The following SNX18 variants were observed in gnomAD, a reference collection of about 807,000 sequenced individuals.
SNX18 encodes the protein sorting nexin-18.
A neutral mutation model predicts 48.7 loss-of-function variants in SNX18; 35 were observed. That is an observed-to-expected ratio of 0.72 (90% CI 0.55 to 0.95). The LOEUF is 0.95. Ranked by LOEUF, SNX18 falls within the 40% of genes least tolerant of loss-of-function variation. The pLI, the probability that SNX18 is intolerant of heterozygous loss-of-function variation, is 0.00. For synonymous variants in SNX18, 492 were observed against 384.7 expected (o/e 1.28, Z -3.26); for missense variants, 824 against 871.0 (o/e 0.95, Z 0.68).
chr5:54,585,799 C>G, the SNX18 span, among the ~76,000 whole-genome samples: 2 of 151,762 alleles, frequency 1.3e-5, no homozygotes, highest in East Asian at 1.9e-4. Context: ...GTCAGGAGAT[C>G]GAGACCATCC....
intron 1 of SNX18, among the ~76,000 whole-genome samples, chr5:54,522,382 T>C (rs1321347567): frequency 6.6e-6 from 1 of 152,206 alleles, no homozygotes; most frequent in Non-Finnish European, 1.5e-5. Context: ...GATAGAACTT[T>C]TCCATCAGTG....
At chr5:54,643,094 G>A in the SNX18 span, among the ~76,000 whole-genome samples, 1 of 152,202 alleles carries the variant, frequency 6.6e-6, no homozygotes, top group South Asian at 2.1e-4. Context: ...ACTATAAAGG[G>A]AGGGGGGATA....
chr5:54,539,129 C>T (rs1217872758), intron 1 of SNX18, among the ~76,000 whole-genome samples: 1 of 152,064 alleles, frequency 6.6e-6, no homozygotes, highest in East Asian at 1.9e-4. Context: ...AATTCCTGGA[C>T]TCTCCCGCCT....
At chr5:54,601,329 A>G in the SNX18 span, among the ~76,000 whole-genome samples, 1 of 152,158 alleles carries the variant, frequency 6.6e-6, no homozygotes, top group East Asian at 1.9e-4. Flanking sequence ...CTAACCATTT[A>G]TCTATGCATT....
At chr5:54,534,734 G>T (rs1762320156) in intron 1 of SNX18, among the ~76,000 whole-genome samples, 1 of 150,634 alleles carries the variant, frequency 6.6e-6, no homozygotes, top group Admixed American at 6.6e-5. Flanking sequence ...CAGGAAAGTT[G>T]TTCTCCCTGC....
chr5:54,520,077 G>GA, intron 1 of SNX18: 1 of 435,354 alleles, frequency 2.3e-6, no homozygotes, highest in Non-Finnish European at 4.2e-6. Flanking sequence ...TCAATTCTCT[G>GA]AGTTTAAGAA....
chr5:54,622,556 G>A, the SNX18 span, among the ~76,000 whole-genome samples: 1 of 149,544 alleles, frequency 6.7e-6, no homozygotes, highest in African/African-American at 2.4e-5. Flanking sequence ...GTAGGGCTCT[G>A]CAAATGCTTT....
At chr5:54,604,461 T>C in the SNX18 span, among the ~76,000 whole-genome samples, 30 of 152,218 alleles carry the variant, frequency 2.0e-4, no homozygotes, top group Non-Finnish European at 3.2e-4. Flanking sequence ...TGGTACATGT[T>C]ACAACATAAA....
chr5:54,530,235 A>G (rs1041832407), intron 1 of SNX18, among the ~76,000 whole-genome samples: 8 of 152,166 alleles, frequency 5.3e-5, no homozygotes, highest in African/African-American at 1.9e-4. Context: ...AACTAATTAC[A>G]TATTCAGAGA....
At chr5:54,523,536 T>A (rs1762071431) in intron 1 of SNX18, among the ~76,000 whole-genome samples, 1 of 152,206 alleles carries the variant, frequency 6.6e-6, no homozygotes, top group Non-Finnish European at 1.5e-5. Context: ...AGAAAAGGTG[T>A]AAAATAGTGT....
chr5:54,628,366 G>A, the SNX18 span, among the ~76,000 whole-genome samples: 1 of 152,108 alleles, frequency 6.6e-6, no homozygotes, highest in African/African-American at 2.4e-5. Flanking sequence ...TCTCCCTCCT[G>A]GGTTTCCCTT....
At position 54,539,541 on chromosome 5, in the gene SNX18, T is replaced by C. The variant is rs914197827; in HGVS notation, c.1622-3638T>C. On this transcript the variant is annotated intron_variant, in intron 1 of 1. Transcript: ENST00000381410. ...TTCCGTTGTCACATTGGTCACGTTA[T>C]CTTGGAGAAAGCCATATTCAACTCC... 2.6e-5 allele frequency among the ~76,000 whole-genome samples: 4 copies of C among 152,268 alleles called. No homozygotes were observed. In the South Asian group the frequency reaches 8.3e-4, roughly 32 times the overall value.
At chr5:54,556,636 G>C in the SNX18 span, among the ~76,000 whole-genome samples, 1 of 152,158 alleles carries the variant, frequency 6.6e-6, no homozygotes, top group African/African-American at 2.4e-5. Flanking sequence ...CTTGGGTTCT[G>C]GGCATTAGAA....
chr5:54,645,155 C>T, the SNX18 span: 1 of 152,256 alleles, frequency 6.6e-6, no homozygotes, highest in African/African-American at 2.4e-5. Context: ...TTTGCCGGTA[C>T]TAAAACATGG....
chr5:54,580,609 C>A, the SNX18 span, among the ~76,000 whole-genome samples: 17 of 152,272 alleles, frequency 1.1e-4, no homozygotes, highest in East Asian at 3.3e-3. Flanking sequence ...TCCAGGACTC[C>A]TTGCAAGTGT....
At chr5:54,630,047 C>G in the SNX18 span, among the ~76,000 whole-genome samples, 2 of 152,256 alleles carry the variant, frequency 1.3e-5, no homozygotes, top group African/African-American at 4.8e-5. Context: ...GGGATTTGAA[C>G]CGAGAGTTTG....
the SNX18 span, among the ~76,000 whole-genome samples, chr5:54,634,255 G>A: frequency 1.3e-5 from 2 of 152,216 alleles, no homozygotes; most frequent in African/African-American, 4.8e-5. Flanking sequence ...CCTGCTGGGT[G>A]TAGAGAGTGG....
the SNX18 span, among the ~76,000 whole-genome samples, chr5:54,632,125 T>C: frequency 1.3e-5 from 2 of 152,216 alleles, no homozygotes; most frequent in Middle Eastern, 3.2e-3. Flanking sequence ...TGCTGGTTCC[T>C]GGTCCCATAA....
the SNX18 span, among the ~76,000 whole-genome samples, chr5:54,558,872 A>G: frequency 6.6e-6 from 1 of 152,162 alleles, no homozygotes; most frequent in Non-Finnish European, 1.5e-5. Flanking sequence ...TAATGAATGT[A>G]TTTCCAACCT....
Sources: gnomAD v4.1 joint callset for allele counts (sites outside exome capture counted in the v4.1 genomes callset) on GRCh38, gnomAD v4.1.1 for gene constraint, MANE v1.5 for transcripts, NCBI Gene and HGNC (gene_info 2026-07-23, HGNC 2026-07-21) for gene names.